KLF15: variants seen among roughly 807,000 people sequenced by gnomAD.
KLF15 encodes Krueppel-like factor 15.
A neutral mutation model predicts 24.6 loss-of-function variants in KLF15; 4 were observed. That is an observed-to-expected ratio of 0.16 (90% CI 0.08 to 0.37). The LOEUF (loss-of-function observed/expected upper bound fraction) is 0.37, where lower values mean the gene tolerates loss of function less well. Ranked by LOEUF, KLF15 falls within the 10% of genes least tolerant of loss-of-function variation. The probability of loss-of-function intolerance (pLI) is 1.00; values close to 1 mark genes in which losing one functional copy is unlikely to be tolerated. For synonymous variants in KLF15, 246 were observed against 236.3 expected (o/e 1.04, Z -0.37); for missense variants, 496 against 560.6 (o/e 0.88, Z 1.16).
intron 2 of KLF15, among the ~76,000 whole-genome samples, chr3:126,344,251 G>GGCCT (rs2082512837): frequency 6.6e-6 from 1 of 151,972 alleles, no homozygotes; most frequent in African/African-American, 2.4e-5. Context: ...TTAGAGACCA[G>GGCCT]GCCTCCCTAT....
chr3:126,292,061 T>A, the KLF15 span, among the ~76,000 whole-genome samples: 1 of 152,178 alleles, frequency 6.6e-6, no homozygotes, highest in East Asian at 1.9e-4. Context: ...GGAGCATTCA[T>A]TCCAGTCCCC....
downstream of KLF15, among the ~76,000 whole-genome samples, chr3:126,340,171 C>T (rs988429307): frequency 6.6e-6 from 1 of 152,266 alleles, no homozygotes; most frequent in African/African-American, 2.4e-5. Flanking sequence ...CTGCCCTCTG[C>T]TCCTACCTCC....
intron 2 of KLF15, among the ~76,000 whole-genome samples, chr3:126,347,446 A>G (rs2082544267): frequency 1.3e-5 from 2 of 152,212 alleles, no homozygotes; most frequent in African/African-American, 4.8e-5. Flanking sequence ...CTGACGCTCA[A>G]GAGGAGCCTG....
the KLF15 span, among the ~76,000 whole-genome samples, chr3:126,308,857 C>A: frequency 1.0e-3 from 158 of 152,270 alleles, 1 homozygote; most frequent in African/African-American, 3.7e-3. Context: ...ACTGGCCTCA[C>A]GGCAGGACAG....
In KLF15 at chr3:126,343,428, A is replaced by C; in HGVS notation, c.*299T>G. ...CCAGGTCCCCAAAACTCTGCCTGCA[A>C]CCAGCGGCTGCAGCAGAGGCCTGGC... On this transcript the variant is annotated 3_prime_UTR_variant, in exon 3 of 3. Coordinates refer to ENST00000296233, the MANE Select transcript of KLF15 (RefSeq NM_014079.4). 1 of 354,402 alleles carries C rather than the reference A, an allele frequency of 2.8e-6. No homozygotes were observed. The highest frequency in any genetic ancestry group is 5.1e-6 in the Non-Finnish European group (1 of 196,768). 22.0% of individuals were successfully genotyped at this position (354,402 alleles called of 1,614,324 possible).
Position 126,343,385 on chromosome 3 carries a change from A to G in KLF15, c.*342T>C. ...TTCTGGCCTTGGCCCAGGATGGGGG[A>G]GCCCAGTGGGAGAAGGGCCAGGTCC... On this transcript the variant is annotated 3_prime_UTR_variant, in exon 3 of 3. Transcript: ENST00000296233. 3.4e-6 allele frequency: 1 copy of G among 296,964 alleles called. No individual in the cohort carries two copies. Among genetic ancestry groups the G allele is most frequent in the Non-Finnish European group, 6.2e-6 (1 of 160,336 alleles). 18.4% of individuals were successfully genotyped at this position (296,964 alleles called of 1,614,324 possible). A position where few individuals can be genotyped will look rare whatever the true frequency, so the allele number is the denominator to read the frequency against.
At chr3:126,328,470 T>A in the KLF15 span, among the ~76,000 whole-genome samples, 2 of 152,208 alleles carry the variant, frequency 1.3e-5, no homozygotes, top group African/African-American at 4.8e-5. Context: ...CTGGATCAAA[T>A]GGTTGTTCCA....
In KLF15 at chr3:126,352,372, G is replaced by A. The variant is rs1261235321; in HGVS notation, c.551C>T (p.Pro184Leu). ...ACAGCGCTCTCTCCCGCTGGACCCA[G>A]GATGGAGGTGGCTCTTGTGTGGCCC... ...SAGPHKSHLH[P>L]GSSGRERCSP... is the part of the protein sequence containing the mutation. The change falls in exon 2 of 3, where the codon CCT becomes CTT. Residue 184 changes from proline (P) to leucine (L), a missense_variant. By Grantham distance (98) the Pro-to-Leu change is moderately conservative. This residue lies in a region of KLF15 where 399 missense variants were observed against 423.1 expected (regional missense o/e 0.94). Coordinates refer to ENST00000296233, the MANE Select transcript of KLF15 (RefSeq NM_014079.4). 1 of 1,611,000 alleles carries A rather than the reference G, an allele frequency of 6.2e-7. No homozygotes were observed. Among genetic ancestry groups the A allele is most frequent in the South Asian group, 1.1e-5 (1 of 90,850 alleles).
the KLF15 span, among the ~76,000 whole-genome samples, chr3:126,320,412 A>G: frequency 6.6e-6 from 1 of 152,242 alleles, no homozygotes; most frequent in Non-Finnish European, 1.5e-5. Context: ...CATATATGTG[A>G]ATGCCAGTGC....
chr3:126,352,974 G>A (rs1173363771), intron 1 of KLF15, 27 bp from the exon 2 acceptor site: 1 of 1,553,866 alleles, frequency 6.4e-7, no homozygotes, highest in Admixed American at 1.8e-5. Context: ...CAGGAGGCCT[G>A]GTCAGAAGGA....
At chr3:126,334,126 T>A in the KLF15 span, among the ~76,000 whole-genome samples, 1 of 152,020 alleles carries the variant, frequency 6.6e-6, no homozygotes, top group African/African-American at 2.4e-5. Context: ...TACATTTTTT[T>A]CAGCACCACA....
intron 2 of KLF15, among the ~76,000 whole-genome samples, chr3:126,345,479 A>G (rs779947591): frequency 1.3e-5 from 2 of 152,128 alleles, no homozygotes; most frequent in Admixed American, 6.5e-5. Context: ...ATGCACGCAC[A>G]CACACACGGA....
chr3:126,297,295 C>A, the KLF15 span, among the ~76,000 whole-genome samples: 1 of 151,990 alleles, frequency 6.6e-6, no homozygotes, highest in African/African-American at 2.4e-5. Context: ...TGTAAGATAT[C>A]ATGTAATGTA....
chr3:126,307,193 T>C, the KLF15 span, among the ~76,000 whole-genome samples: 77,106 of 151,982 alleles, frequency 0.51, 19,776 homozygotes, highest in Admixed American at 0.54. Flanking sequence ...CCTGAGCAGC[T>C]GGGGCAGACG....
At chr3:126,310,839 A>G in the KLF15 span, among the ~76,000 whole-genome samples, 1 of 152,198 alleles carries the variant, frequency 6.6e-6, no homozygotes, top group Non-Finnish European at 1.5e-5. Flanking sequence ...GGACTTCAAC[A>G]CATGAATTTT....
the KLF15 span, among the ~76,000 whole-genome samples, chr3:126,298,833 T>TACCATGCTG: frequency 6.6e-6 from 1 of 152,214 alleles, no homozygotes; most frequent in Non-Finnish European, 1.5e-5. Flanking sequence ...ATATGCCTAT[T>TACCATGCTG]TTTATACCAG....
chr3:126,315,080 T>C, the KLF15 span, among the ~76,000 whole-genome samples: 53,627 of 151,838 alleles, frequency 0.35, 10,509 homozygotes, highest in Non-Finnish European at 0.45. Flanking sequence ...GCTGCCAATC[T>C]TTGGAGTTCC....
chr3:126,290,551 T>TTC, the KLF15 span: 5 of 82,672 alleles, frequency 6.0e-5, no homozygotes, highest in Admixed American at 6.4e-4. Flanking sequence ...TTCCTTCCTC[T>TTC]GTCTCACAAG....
chr3:126,328,109 G>T, the KLF15 span, among the ~76,000 whole-genome samples: 1 of 149,690 alleles, frequency 6.7e-6, no homozygotes, highest in African/African-American at 2.5e-5. Context: ...AGTCCCCAAA[G>T]TCCATTGTAT....
Sources: allele counts gnomAD v4.1 joint callset (sites outside exome capture counted in the v4.1 genomes callset), GRCh38; gene constraint gnomAD v4.1.1; regional missense constraint gnomAD v4.1.1; transcripts MANE v1.5; gene names NCBI Gene and HGNC (gene_info 2026-07-23, HGNC 2026-07-21).